The following UBE2E2 variants were observed in gnomAD, a reference collection of about 807,000 sequenced individuals.
The protein encoded by UBE2E2 is ubiquitin-conjugating enzyme E2 E2.
In UBE2E2, 6 loss-of-function variants were observed where a neutral mutation model predicts 24.7. The ratio of observed to expected loss-of-function variants is 0.24; its 90% CI spans 0.13 to 0.48. The LOEUF (loss-of-function observed/expected upper bound fraction) is 0.48, where lower values mean the gene tolerates loss of function less well. Among genes scored for constraint, UBE2E2 ranks in the 20% least tolerant of loss-of-function variants. The pLI is 0.99. For synonymous variants in UBE2E2, 104 were observed against 83.6 expected, an observed-to-expected ratio of 1.24 and a Z score of -1.33; for missense variants, 169 against 245.0, an observed-to-expected ratio of 0.69 and a Z score of 2.07.
rs959790574 is a variant in UBE2E2 at position 23,583,276 on chromosome 3, C to T, written c.509-6458C>T. Among the ~76,000 whole-genome samples the T allele has an allele frequency of 3.3e-5, 5 of 152,106 alleles. No homozygotes were observed. The highest frequency in any genetic ancestry group is 5.9e-5 in the Non-Finnish European group (4 of 68,012). On this transcript the variant is annotated intron_variant, in intron 5 of 5. Transcript: ENST00000396703. This position sits in a 1 kb window ranked among gnomAD's most constrained non-coding sequence, Gnocchi z 4.1. Reference sequence around the variant, plus strand: ...TTATTTCTGGGCTCTTTATTTTGTTCCACTAGTCTATGTGTCTGTTTTTGT... The same window carrying T: ...TTATTTCTGGGCTCTTTATTTTGTTTCACTAGTCTATGTGTCTGTTTTTGT...
intron 1 of UBE2E2, among the ~76,000 whole-genome samples, chr3:23,207,361 TG>T (rs1392435564): frequency 6.6e-6 from 1 of 152,052 alleles, no homozygotes; most frequent in Non-Finnish European, 1.5e-5. Flanking sequence ...CAGAACTGCT[TG>T]GGGGGCCTGA....
At chr3:23,529,468 G>T (rs1010765401) in intron 4 of UBE2E2, among the ~76,000 whole-genome samples, 1 of 152,060 alleles carries the variant, frequency 6.6e-6, no homozygotes, top group African/African-American at 2.4e-5. Flanking sequence ...AATTTTTAAC[G>T]AAAGAACAGA....
chr3:23,289,741 C>G (rs1698710065), intron 3 of UBE2E2, among the ~76,000 whole-genome samples: 1 of 152,254 alleles, frequency 6.6e-6, no homozygotes, highest in East Asian at 1.9e-4. Context: ...TTTGAACGTT[C>G]AAGTACTTAG....
intron 5 of UBE2E2, among the ~76,000 whole-genome samples, chr3:23,574,507 C>T (rs1696301047): frequency 6.6e-6 from 1 of 152,036 alleles, no homozygotes; most frequent in African/African-American, 2.4e-5. Context: ...TCAATATATA[C>T]ACCTACTATG....
chr3:23,380,370 C>T (rs945279495), intron 3 of UBE2E2, among the ~76,000 whole-genome samples: 7 of 152,174 alleles, frequency 4.6e-5, no homozygotes, highest in African/African-American at 1.4e-4. Context: ...TGACTACAGG[C>T]GTGTGCCGCT....
intron 3 of UBE2E2, among the ~76,000 whole-genome samples, chr3:23,351,213 C>T (rs371200812): frequency 7.3e-4 from 111 of 152,228 alleles, no homozygotes; most frequent in Non-Finnish European, 1.3e-3. Flanking sequence ...ACCAGGCCTG[C>T]CCTAAAAGAG....
At chr3:23,350,160 C>T (rs1356403073) in intron 3 of UBE2E2, among the ~76,000 whole-genome samples, 3 of 152,190 alleles carry the variant, frequency 2.0e-5, no homozygotes, top group African/African-American at 7.2e-5. Flanking sequence ...CTCCAACAGA[C>T]CTGCAGCTGA....
intron 3 of UBE2E2, among the ~76,000 whole-genome samples, chr3:23,218,556 T>A (rs1696543371): frequency 6.6e-6 from 1 of 151,998 alleles, no homozygotes; most frequent in Non-Finnish European, 1.5e-5. Context: ...TCTGAATCTT[T>A]AAAAAACCCA....
At chr3:23,479,091 G>A (rs1054599909) in intron 3 of UBE2E2, among the ~76,000 whole-genome samples, 1 of 152,024 alleles carries the variant, frequency 6.6e-6, no homozygotes, top group South Asian at 2.1e-4. Flanking sequence ...TGTGGTAGGT[G>A]GTGCCTTTGC....
At chr3:23,373,778 C>G (rs1255570164) in intron 3 of UBE2E2, among the ~76,000 whole-genome samples, 3 of 152,096 alleles carry the variant, frequency 2.0e-5, no homozygotes, top group Non-Finnish European at 2.9e-5. Context: ...ATTGCTTCCC[C>G]TTTTATTCCC....
At chr3:23,260,454 C>A (rs1697864941) in intron 3 of UBE2E2, among the ~76,000 whole-genome samples, 1 of 152,116 alleles carries the variant, frequency 6.6e-6, no homozygotes, top group Non-Finnish European at 1.5e-5. Context: ...TGTAAAAATT[C>A]ACTTTTTTGA....
chr3:23,430,515 GT>G (rs796479288), intron 3 of UBE2E2, among the ~76,000 whole-genome samples: 88 of 150,904 alleles, frequency 5.8e-4, no homozygotes, highest in African/African-American at 1.8e-3. Flanking sequence ...GTTGTGTGGC[GT>G]TTTTTTTGTT....
chr3:23,425,572 C>T (rs569213656), intron 3 of UBE2E2, among the ~76,000 whole-genome samples: 1 of 152,118 alleles, frequency 6.6e-6, no homozygotes, highest in East Asian at 1.9e-4. Context: ...ACTCCCACCA[C>T]CCCCAGATTG....
At chr3:23,220,073 T>G (rs1696584432) in intron 3 of UBE2E2, among the ~76,000 whole-genome samples, 1 of 152,188 alleles carries the variant, frequency 6.6e-6, no homozygotes, top group Admixed American at 6.6e-5. Context: ...AATCTGTTAT[T>G]TAAAGAAGTT....
intron 3 of UBE2E2, among the ~76,000 whole-genome samples, chr3:23,339,486 G>A (rs1466933477): frequency 1.3e-5 from 2 of 152,100 alleles, no homozygotes; most frequent in African/African-American, 2.4e-5. Flanking sequence ...GGGAAGCTGG[G>A]TGAAAGGGAT....
chr3:23,328,233 T>C (rs1254253259), intron 3 of UBE2E2, among the ~76,000 whole-genome samples: 1 of 152,186 alleles, frequency 6.6e-6, no homozygotes, highest in African/African-American at 2.4e-5. Context: ...TTACATTAGA[T>C]AATCTCTAAA....
At chr3:23,400,620 A>ACACACACACACATACT (rs1697199080) in intron 3 of UBE2E2, among the ~76,000 whole-genome samples, 1 of 151,034 alleles carries the variant, frequency 6.6e-6, no homozygotes, top group Non-Finnish European at 1.5e-5. Context: ...ACACACACAC[A>ACACACACACACATACT]CACACACACA....
intron 5 of UBE2E2, among the ~76,000 whole-genome samples, chr3:23,568,306 G>C (rs886782327): frequency 6.6e-6 from 1 of 152,216 alleles, no homozygotes; most frequent in African/African-American, 2.4e-5. Context: ...AAAAGACTTT[G>C]GGGGGTGGAA....
intron 3 of UBE2E2, among the ~76,000 whole-genome samples, chr3:23,438,910 G>C (rs560454564): frequency 2.0e-5 from 3 of 152,148 alleles, no homozygotes; most frequent in Non-Finnish European, 4.4e-5. Flanking sequence ...TTAGTATTCT[G>C]ATAAGGTTTG....
Sources: allele counts gnomAD v4.1 joint callset (sites outside exome capture counted in the v4.1 genomes callset), GRCh38; gene constraint gnomAD v4.1.1; non-coding constraint Gnocchi (gnomAD v3.1); transcripts MANE v1.5; gene names NCBI Gene and HGNC (gene_info 2026-07-23, HGNC 2026-07-21).